LRP4: variants seen among roughly 807,000 people sequenced by gnomAD.
LRP4 encodes low-density lipoprotein receptor-related protein 4.
Under a neutral mutation model 220.3 loss-of-function variants are expected in LRP4, and 95 were observed. That is an observed-to-expected ratio of 0.43 (90% CI 0.37 to 0.51). LRP4 has a LOEUF of 0.51. Ranked by LOEUF, LRP4 falls within the 20% of genes least tolerant of loss-of-function variation. The pLI, the probability that LRP4 is intolerant of heterozygous loss-of-function variation, is 0.00. For synonymous variants in LRP4, 903 were observed against 954.6 expected (o/e 0.95, Z 1.00); for missense variants, 1,925 against 2,567.0 (o/e 0.75, Z 5.40).
At chr11:46,862,175 T>C (rs1645305513) in intron 37 of LRP4, among the ~76,000 whole-genome samples, 1 of 150,458 alleles carries the variant, frequency 6.6e-6, no homozygotes. Context: ...TTCCCAACCA[T>C]AGGTGCTACT....
chr11:46,872,965 C>T (rs1202935353), intron 30 of LRP4, 135 bp downstream of exon 30: 2 of 1,264,910 alleles, frequency 1.6e-6, no homozygotes, highest in African/African-American at 1.5e-5. Context: ...AATATATTCC[C>T]TTATCCTTCT....
rs886048354 is a variant in LRP4, at chr11:46,886,424, A to C, written c.2325T>G (p.Ala775=). Residue 775 remains alanine, a synonymous_variant, in exon 17 of 38, where the codon GCT becomes GCG. Coordinates refer to ENST00000378623, the MANE Select transcript of LRP4 (RefSeq NM_002334.4). ...CCCGGGAGTCCCAGTCAAGGGCCAC[A>C]GCACTGCGCACGTCAGCCAGTGGGA... is the stretch of plus-strand genomic sequence containing the variant. ...DVIPLADVRS[A]VALDWDSRDD... 3.1e-6 allele frequency: 5 copies of C among 1,613,846 alleles called. No individual in the cohort carries two copies. The highest frequency in any genetic ancestry group is 4.2e-6 in the Non-Finnish European group (5 of 1,179,962).
Position 46,875,021 on chromosome 11 carries a change from G to A in LRP4, c.4008C>T (p.Pro1336=), listed in dbSNP as rs766840366. 1.9e-6 allele frequency: 3 copies of A among 1,613,996 alleles called. No individual in the cohort carries two copies. Among genetic ancestry groups the A allele is most frequent in the Non-Finnish European group, 2.5e-6 (3 of 1,180,038 alleles). Residue 1336 remains proline (P), a synonymous_variant, in exon 28 of 38, where the codon CCC becomes CCT. Transcript: ENST00000378623. This position sits in a 1 kb window ranked among gnomAD's most constrained non-coding sequence, Gnocchi z 4.5. ...PRPSGFSCAC[P]TGIQLKGDGK... ...CATCTCCCTTCAGCTGGATGCCAGT[G>A]GGGCAGGCACAGGAGAAGCCAGAAG...
intron 13 of LRP4, among the ~76,000 whole-genome samples, chr11:46,892,679 C>T (rs979645473): frequency 6.6e-6 from 1 of 151,444 alleles, no homozygotes; most frequent in Admixed American, 6.6e-5. Context: ...TCAAACAACT[C>T]TCCTGCCTCA....
intron 1 of LRP4, among the ~76,000 whole-genome samples, chr11:46,910,930 C>T (rs1941849685): frequency 6.6e-6 from 1 of 152,118 alleles, no homozygotes. Flanking sequence ...CCTGTCTCGG[C>T]CTCCCAAAGC....
intron 11 of LRP4, 107 bp downstream of exon 11, chr11:46,895,059 G>A: frequency 6.6e-7 from 1 of 1,517,776 alleles, no homozygotes; most frequent in South Asian, 1.1e-5. Flanking sequence ...GCATTTTACT[G>A]TGACAGAAAT....
intron 13 of LRP4, among the ~76,000 whole-genome samples, chr11:46,892,657 T>C (rs1194798196): frequency 2.2e-4 from 33 of 151,532 alleles, no homozygotes; most frequent in Admixed American, 2.1e-3. Context: ...CTGTAACCTG[T>C]GCCTCCTGGG....
chr11:46,899,652 A>C lies in LRP4; in HGVS notation c.431-149T>G. The C allele has an allele frequency of 1.3e-6, 1 of 760,536 alleles. No homozygotes were observed. The highest frequency in any genetic ancestry group is 2.3e-6 in the Non-Finnish European group (1 of 430,782). 47.1% of individuals were successfully genotyped at this position (760,536 alleles called of 1,614,324 possible). A position where few individuals can be genotyped will look rare whatever the true frequency, so the allele number is the denominator to read the frequency against. Reference sequence around the variant, plus strand: ...GAGTCAGTGCAGACTCTCCAGGGAGAACGGAGGCCCTGGAGAGACTGGGCC... The same window carrying C: ...GAGTCAGTGCAGACTCTCCAGGGAGCACGGAGGCCCTGGAGAGACTGGGCC... On this transcript the variant is annotated intron_variant, in intron 4 of 37. Coordinates refer to ENST00000378623, the MANE Select transcript of LRP4 (RefSeq NM_002334.4). The surrounding 1 kb of genome is among the most constrained non-coding windows in gnomAD (Gnocchi z 5.9).
At position 46,868,696 on chromosome 11, in the gene LRP4, C is replaced by T. The variant is rs1308122736; in HGVS notation, c.4855G>A (p.Val1619Met). ...AGGTGGGTGCAGCCACCATTGTTCA[C>T]ACCACAGGCATTGGTCCCTGGAGGC... Reference protein sequence around the residue: ...QRQTGTNACGVNNGGCTHLCF... With the variant: ...QRQTGTNACGMNNGGCTHLCF... Residue 1619 changes from valine to methionine, a missense_variant, in exon 33 of 38, where the codon GTG becomes ATG. Transcript: ENST00000378623. The T allele has an allele frequency of 3.1e-6, 5 of 1,613,660 alleles. No individual in the cohort carries two copies. The highest frequency in any genetic ancestry group is 4.2e-6 in the Non-Finnish European group (5 of 1,179,684).
intron 10 of LRP4, 96 bp from the exon 11 acceptor site, chr11:46,895,387 T>C (rs1247446558): frequency 6.5e-7 from 1 of 1,535,442 alleles, no homozygotes; most frequent in Admixed American, 1.7e-5. Flanking sequence ...CATCCCCATC[T>C]ACTTTCCAGG....
intron 19 of LRP4, among the ~76,000 whole-genome samples, chr11:46,882,839 A>G (rs1361909962): frequency 1.3e-5 from 2 of 151,492 alleles, no homozygotes; most frequent in Admixed American, 6.6e-5. Flanking sequence ...CCTGGGCCAC[A>G]GAGCAAGACC....
chr11:46,897,146 A>T, intron 7 of LRP4, 152 bp from the exon 8 acceptor site: 1 of 1,008,912 alleles, frequency 9.9e-7, no homozygotes, highest in Admixed American at 2.0e-5. Context: ...GAATCAGAAA[A>T]AAGTATCCTT....
Position 46,890,570 on chromosome 11 carries a change from G to T in LRP4, c.1698-76C>A. The T allele has an allele frequency of 1.9e-6, 2 of 1,029,876 alleles. No homozygotes were observed. Among genetic ancestry groups the T allele is most frequent in the Non-Finnish European group, 1.5e-6 (1 of 673,646 alleles). The allele number at this position is 1,029,876 out of a possible 1,614,324, so 63.8% of individuals were successfully genotyped here. A position where few individuals can be genotyped will look rare whatever the true frequency, so the allele number is the denominator to read the frequency against. On this transcript the variant is annotated intron_variant, in intron 13 of 37. Coordinates refer to ENST00000378623, the MANE Select transcript of LRP4 (RefSeq NM_002334.4). The surrounding 1 kb of genome is among the most constrained non-coding windows in gnomAD (Gnocchi z 5.3). The stretch of plus-strand genomic sequence containing the variant: ...AACCAGGAGAATAATCAGGTAGGGC[G>T]CTTTTATCCATTTAACTCAGGGGAC...
chr11:46,901,470 A>G (rs1210883159), intron 2 of LRP4, among the ~76,000 whole-genome samples: 1 of 152,210 alleles, frequency 6.6e-6, no homozygotes, highest in Non-Finnish European at 1.5e-5. Flanking sequence ...TATAATGCCT[A>G]TGAAAATGCT....
chr11:46,891,446 C>G (rs1166944676), intron 13 of LRP4, among the ~76,000 whole-genome samples: 1 of 149,786 alleles, frequency 6.7e-6, no homozygotes, highest in Non-Finnish European at 1.5e-5. Context: ...CACACACACA[C>G]ACACACACAC....
At position 46,868,645 on chromosome 11, in the gene LRP4, C is replaced by A; in HGVS notation, c.4906G>T (p.Val1636Leu). 6.2e-7 allele frequency: 1 copy of A among 1,614,156 alleles called. No homozygotes were observed. Among genetic ancestry groups the A allele is most frequent in the Non-Finnish European group, 8.5e-7 (1 of 1,180,014 alleles). ...HLCFARASDF[V>L]CACPDEPDSR... The stretch of plus-strand genomic sequence containing the variant: ...TCAGGTTCGTCAGGACAGGCACATA[C>A]GAAGTCCGAGGCTCTGGCAAAGCAG... The change falls in exon 33 of 38, where the codon GTA becomes TTA. Residue 1636 changes from valine (V) to leucine (L), a missense_variant. Val to Leu is a conservative substitution (Grantham distance 32, BLOSUM62 1). Around this residue, in one of 3 missense-constraint regions of LRP4, gnomAD observed 1,244 missense variants for 1,624.9 expected, o/e 0.77. Coordinates refer to ENST00000378623, the MANE Select transcript of LRP4 (RefSeq NM_002334.4).
At chr11:46,891,218 A>G (rs569189036) in intron 13 of LRP4, among the ~76,000 whole-genome samples, 67 of 152,050 alleles carry the variant, frequency 4.4e-4, no homozygotes, top group African/African-American at 1.6e-3. Flanking sequence ...GACCCAAGTG[A>G]TTCTCCTGCC....
rs1353245176 is a variant in LRP4, at chr11:46,857,745, A to C, written c.*1238T>G. 6.6e-6 allele frequency: 1 copy of C among 152,610 alleles called. No individual in the cohort carries two copies. Among genetic ancestry groups the C allele is most frequent in the African/African-American group, 2.4e-5 (1 of 41,456 alleles). The allele number at this position is 152,610 out of a possible 1,614,324, so 9.5% of individuals were successfully genotyped here. A position where few individuals can be genotyped will look rare whatever the true frequency, so the allele number is the denominator to read the frequency against. On this transcript the variant is annotated 3_prime_UTR_variant, in exon 38 of 38. Coordinates refer to ENST00000378623, the MANE Select transcript of LRP4 (RefSeq NM_002334.4). ...GGCTGAGACACGTGCCCTTTGTGTG[A>C]ATGAGCATGAACCAAGTGATGGCAT...
chr11:46,867,958 T>G, intron 34 of LRP4, 21 bp downstream of exon 34: 1 of 1,614,118 alleles, frequency 6.2e-7, no homozygotes, highest in Non-Finnish European at 8.5e-7. Flanking sequence ...GGGCCCATGA[T>G]CCTGCATTGA....
Sources: allele counts gnomAD v4.1 joint callset (sites outside exome capture counted in the v4.1 genomes callset), GRCh38; gene constraint gnomAD v4.1.1; regional missense constraint gnomAD v4.1.1; non-coding constraint Gnocchi (gnomAD v3.1); transcripts MANE v1.5; gene names NCBI Gene and HGNC (gene_info 2026-07-23, HGNC 2026-07-21).